The following COL24A1 variants were observed in gnomAD, a reference collection of about 807,000 sequenced individuals.
COL24A1 encodes the protein collagen alpha-1(XXIV) chain.
COL24A1 carries 224 observed loss-of-function variants against 253.9 expected under a neutral mutation model. That is an observed-to-expected ratio of 0.88 (90% CI 0.79 to 0.99). The LOEUF (loss-of-function observed/expected upper bound fraction) is 0.99. Ranked by LOEUF, COL24A1 falls within the 50% of genes least tolerant of loss-of-function variation. The pLI, the probability that COL24A1 is intolerant of heterozygous loss-of-function variation, is 0.00. For synonymous variants in COL24A1, 685 were observed against 673.7 expected (o/e 1.02, Z -0.26); for missense variants, 2,131 against 2,068.5 (o/e 1.03, Z -0.59).
chr1:85,892,857 G>A (rs1226253636), intron 31 of COL24A1, among the ~76,000 whole-genome samples: 1 of 151,834 alleles, frequency 6.6e-6, no homozygotes, highest in East Asian at 1.9e-4. Context: ...AAAATTATGA[G>A]AAGAAATAGA....
intron 7 of COL24A1, among the ~76,000 whole-genome samples, chr1:86,069,985 G>T (rs1473512228): frequency 6.6e-6 from 1 of 152,098 alleles, no homozygotes; most frequent in African/African-American, 2.4e-5. Flanking sequence ...AACTAAATAA[G>T]GCACGGGGCC....
intron 2 of COL24A1, among the ~76,000 whole-genome samples, chr1:86,143,000 A>G (rs1403609392): frequency 6.6e-6 from 1 of 152,206 alleles, no homozygotes; most frequent in Non-Finnish European, 1.5e-5. Context: ...AAAAGGCAAA[A>G]GATGAAAATA....
At chr1:86,145,858 T>A (rs928669392) in intron 2 of COL24A1, among the ~76,000 whole-genome samples, 1 of 152,054 alleles carries the variant, frequency 6.6e-6, no homozygotes, top group African/African-American at 2.4e-5. Context: ...AAAGCCTTTT[T>A]ATTGTACAAA....
intron 47 of COL24A1, among the ~76,000 whole-genome samples, chr1:85,807,637 T>G (rs1282114924): frequency 6.6e-6 from 1 of 152,186 alleles, no homozygotes; most frequent in Non-Finnish European, 1.5e-5. Flanking sequence ...TAAGTCACTG[T>G]GCTTGGGATT....
At chr1:86,068,491 A>G (rs1296352910) in intron 7 of COL24A1, among the ~76,000 whole-genome samples, 4 of 152,144 alleles carry the variant, frequency 2.6e-5, no homozygotes, top group African/African-American at 9.7e-5. Context: ...AAGCCTTACC[A>G]CCATGGGCTG....
chr1:85,839,349 A>G (rs930719868), intron 42 of COL24A1, among the ~76,000 whole-genome samples: 4 of 152,336 alleles, frequency 2.6e-5, no homozygotes, highest in East Asian at 1.9e-4. Flanking sequence ...ACATAATTCC[A>G]TTAATTACAA....
intron 5 of COL24A1, among the ~76,000 whole-genome samples, chr1:86,110,926 A>C (rs1433293390): frequency 6.6e-6 from 1 of 151,880 alleles, no homozygotes; most frequent in Non-Finnish European, 1.5e-5. Flanking sequence ...AGGGCTGAGG[A>C]GTGCCGGCAA....
chr1:86,136,340 G>C (rs770703681), intron 2 of COL24A1, among the ~76,000 whole-genome samples: 5 of 152,054 alleles, frequency 3.3e-5, no homozygotes, highest in Non-Finnish European at 5.9e-5. Context: ...GTCTGGTTTT[G>C]CTGGTGCTTT....
intron 24 of COL24A1, among the ~76,000 whole-genome samples, chr1:85,923,576 C>A (rs937667813): frequency 6.6e-6 from 1 of 151,992 alleles, no homozygotes; most frequent in Non-Finnish European, 1.5e-5. Context: ...GACTACTGGG[C>A]AAACAACAAA....
At chr1:86,117,946 T>C (rs1047495718) in intron 3 of COL24A1, among the ~76,000 whole-genome samples, 2 of 152,224 alleles carry the variant, frequency 1.3e-5, no homozygotes, top group Admixed American at 6.5e-5. Context: ...ACCTTTAAAA[T>C]ATTGATGATA....
intron 1 of COL24A1, among the ~76,000 whole-genome samples, chr1:86,147,004 C>T (rs886839019): frequency 6.6e-6 from 1 of 152,102 alleles, no homozygotes; most frequent in Non-Finnish European, 1.5e-5. Context: ...GAAAACAATA[C>T]TTCATTACCT....
chr1:85,817,388 A>G (rs313758), intron 46 of COL24A1, among the ~76,000 whole-genome samples: 129,535 of 152,052 alleles, frequency 0.85, 55,485 homozygotes, highest in South Asian at 0.9. Context: ...TTGGGCAACT[A>G]AATTTCATAT....
At chr1:85,818,250 T>C (rs1673250226) in intron 45 of COL24A1, among the ~76,000 whole-genome samples, 163 bp from the exon 46 acceptor site, 2 of 152,172 alleles carry the variant, frequency 1.3e-5, no homozygotes, top group Admixed American at 1.3e-4. Flanking sequence ...AGCTTCTTCA[T>C]CTGAAAATGA....
intron 45 of COL24A1, among the ~76,000 whole-genome samples, chr1:85,819,959 T>C (rs932311395): frequency 6.6e-5 from 10 of 151,862 alleles, no homozygotes; most frequent in Non-Finnish European, 1.2e-4. Context: ...GTGATTCTCC[T>C]GCCTCAGCCT....
chr1:85,742,213 A>G (rs527675620), intron 57 of COL24A1, among the ~76,000 whole-genome samples: 241 of 151,366 alleles, frequency 1.6e-3, no homozygotes, highest in African/African-American at 5.4e-3. Context: ...GCTCACTGCA[A>G]TCTCGGCCTC....
chr1:86,131,411 G>C (rs773499821), intron 2 of COL24A1, among the ~76,000 whole-genome samples: 11 of 151,858 alleles, frequency 7.2e-5, no homozygotes, highest in Non-Finnish European at 1.6e-4. Flanking sequence ...TGTGCACAAT[G>C]TGCAGGTTTG....
At chr1:85,887,684 G>A (rs914511346) in intron 32 of COL24A1, among the ~76,000 whole-genome samples, 6 of 151,978 alleles carry the variant, frequency 3.9e-5, no homozygotes, top group African/African-American at 1.2e-4. Context: ...TTATGCCTAC[G>A]TACTTCTAAG....
At chr1:86,012,480 C>T (rs1629358) in intron 19 of COL24A1, among the ~76,000 whole-genome samples, 47,327 of 151,932 alleles carry the variant, frequency 0.31, 7,892 homozygotes, top group Middle Eastern at 0.51. Context: ...TCCCAGCTAC[C>T]TGGGAGGCTG....
chr1:86,063,961 CTTA>C (rs1481420722), intron 7 of COL24A1, among the ~76,000 whole-genome samples: 2 of 151,422 alleles, frequency 1.3e-5, no homozygotes, highest in Non-Finnish European at 2.9e-5. Context: ...AAAATTAATT[CTTA>C]TTAATAATTT....
Sources: allele counts gnomAD v4.1 joint callset (sites outside exome capture counted in the v4.1 genomes callset), GRCh38; gene constraint gnomAD v4.1.1; transcripts MANE v1.5; gene names NCBI Gene and HGNC (gene_info 2026-07-23, HGNC 2026-07-21).